ZNF560: variants seen among roughly 807,000 people sequenced by gnomAD.
ZNF560 encodes the protein zinc finger protein 560.
Under a neutral mutation model 81.8 loss-of-function variants are expected in ZNF560, and 54 were observed. That is an observed-to-expected ratio of 0.66 (90% CI 0.53 to 0.83). ZNF560 has a LOEUF of 0.83. Among genes scored for constraint, ZNF560 ranks in the 40% least tolerant of loss-of-function variants. The pLI, the probability that ZNF560 is intolerant of heterozygous loss-of-function variation, is 0.00. For synonymous variants in ZNF560, 321 were observed against 317.9 expected, an observed-to-expected ratio of 1.01 and a Z score of -0.10; for missense variants, 940 against 932.4, an observed-to-expected ratio of 1.01 and a Z score of -0.11.
downstream of ZNF560, among the ~76,000 whole-genome samples, chr19:9,466,271 G>C (rs1361522802): frequency 1.3e-5 from 2 of 149,674 alleles, no homozygotes; most frequent in Admixed American, 1.3e-4. Context: ...GCTTGAACTT[G>C]GGAGGCAGAG....
At chr19:9,502,643 G>A (rs1191370384), upstream of ZNF560, among the ~76,000 whole-genome samples, 1 of 152,128 alleles carries the variant, frequency 6.6e-6, no homozygotes, top group Non-Finnish European at 1.5e-5. Flanking sequence ...CTCTTTTCTT[G>A]TTATAGGTCT....
chr19:9,453,740 A>G, the ZNF560 span, among the ~76,000 whole-genome samples: 2 of 152,238 alleles, frequency 1.3e-5, no homozygotes, highest in African/African-American at 4.8e-5. Context: ...TGAAAATAAA[A>G]TCCCATAACA....
chr19:9,464,764 T>C (rs2072989086), downstream of ZNF560, among the ~76,000 whole-genome samples: 1 of 152,112 alleles, frequency 6.6e-6, no homozygotes, highest in African/African-American at 2.4e-5. Context: ...GTGGTGTTGC[T>C]ATAGGAGAAA....
intron 2 of ZNF560, among the ~76,000 whole-genome samples, chr19:9,495,553 C>A (rs10403388): frequency 0.15 from 22,866 of 151,746 alleles, 2,578 homozygotes; most frequent in African/African-American, 0.31. Context: ...AAAAAAATAC[C>A]AAAATTAGCC....
chr19:9,471,945 C>T (rs1177472358), intron 5 of ZNF560, among the ~76,000 whole-genome samples: 1 of 152,080 alleles, frequency 6.6e-6, no homozygotes, highest in Non-Finnish European at 1.5e-5. Flanking sequence ...ACCATCTCTA[C>T]TAAAAATACA....
At chr19:9,493,745 T>C (rs1440417766) in intron 2 of ZNF560, among the ~76,000 whole-genome samples, 2 of 152,220 alleles carry the variant, frequency 1.3e-5, no homozygotes, top group Admixed American at 6.5e-5. Flanking sequence ...CTCTTTTCTA[T>C]TTCTATTTTG....
intron 2 of ZNF560, among the ~76,000 whole-genome samples, chr19:9,486,458 G>A (rs566172585): frequency 3.5e-4 from 53 of 152,242 alleles, no homozygotes; most frequent in African/African-American, 1.3e-3. Flanking sequence ...TTTTCTTTTA[G>A]GCTGGGCACG....
At chr19:9,482,378 C>A (rs1028663767) in intron 2 of ZNF560, among the ~76,000 whole-genome samples, 1 of 144,388 alleles carries the variant, frequency 6.9e-6, no homozygotes, top group Admixed American at 7.2e-5. Flanking sequence ...ATATATGTAA[C>A]AAACCTGCAC....
chr19:9,504,753 A>G, the ZNF560 span, among the ~76,000 whole-genome samples: 2 of 152,082 alleles, frequency 1.3e-5, no homozygotes, highest in Non-Finnish European at 2.9e-5. Flanking sequence ...CATGTTTATG[A>G]TTGCTACATC....
At chr19:9,503,989 GC>G in the ZNF560 span, among the ~76,000 whole-genome samples, 1 of 152,138 alleles carries the variant, frequency 6.6e-6, no homozygotes, top group Non-Finnish European at 1.5e-5. Flanking sequence ...AAAAACAGGT[GC>G]CTTGTAATTT....
rs1442257277 is a variant in ZNF560, at chr19:9,467,475, T to A, written c.1472A>T (p.Asp491Val). ...SNTGQKRFDC[D>V]QCGKVFVSFS... Reference sequence around the variant, plus strand: ...AGAAACAAAGACTTTCCCACACTGGTCACAATCAAAGCGTTTCTGTCCTGT... The same window carrying A: ...AGAAACAAAGACTTTCCCACACTGGACACAATCAAAGCGTTTCTGTCCTGT... The change falls in exon 10 of 10, where the codon GAC (aspartate) becomes GTC (valine). Residue 491 changes from aspartate (D) to valine (V), a missense_variant. Transcript: ENST00000301480. The A allele has an allele frequency of 1.2e-6, 2 of 1,614,114 alleles. No individual in the cohort carries two copies. The highest frequency in any genetic ancestry group is 4.5e-5 in the East Asian group (2 of 44,878).
At chr19:9,485,853 T>G (rs2144716743) in intron 2 of ZNF560, among the ~76,000 whole-genome samples, 1 of 152,164 alleles carries the variant, frequency 6.6e-6, no homozygotes, top group South Asian at 2.1e-4. Context: ...ATTTGTAACC[T>G]CAAATAAGTT....
chr19:9,477,325 C>A (rs547043874), intron 2 of ZNF560, among the ~76,000 whole-genome samples: 5 of 152,058 alleles, frequency 3.3e-5, no homozygotes, highest in African/African-American at 1.2e-4. Context: ...ACTTAGGAAG[C>A]GGTGAACCAG....
At chr19:9,478,242 T>C (rs568191856) in intron 2 of ZNF560, among the ~76,000 whole-genome samples, 1 of 152,252 alleles carries the variant, frequency 6.6e-6, no homozygotes, top group South Asian at 2.1e-4. Context: ...GGATGACATA[T>C]ATAAACTGCT....
chr19:9,470,567 A>G, intron 6 of ZNF560, 49 bp from the exon 7 acceptor site: 1 of 1,613,648 alleles, frequency 6.2e-7, no homozygotes, highest in Non-Finnish European at 8.5e-7. Context: ...ATCTCCACCA[A>G]TGTTGGCTGA....
At chr19:9,484,665 G>A (rs116116602) in intron 2 of ZNF560, among the ~76,000 whole-genome samples, 15,070 of 149,794 alleles carry the variant, frequency 0.1, 909 homozygotes, top group South Asian at 0.19. Context: ...GCGTCACAGC[G>A]CGCGCTACTT....
chr19:9,501,443 C>G (rs1181077272), upstream of ZNF560, among the ~76,000 whole-genome samples: 2 of 151,134 alleles, frequency 1.3e-5, no homozygotes, highest in African/African-American at 4.9e-5. Context: ...ACCACAACCT[C>G]CGCCTCCCGG....
intron 2 of ZNF560, among the ~76,000 whole-genome samples, chr19:9,484,736 T>C (rs904845915): frequency 2.0e-5 from 3 of 148,908 alleles, no homozygotes; most frequent in African/African-American, 7.5e-5. Context: ...TGAGCTGAGA[T>C]CGCACCACTG....
chr19:9,483,106 G>A lies in ZNF560; in HGVS notation c.-56-7737C>T, dbSNP rs1158028354. The stretch of plus-strand genomic sequence containing the variant: ...CCACCCCGTCTGGGAAGTGAGGAGC[G>A]TCTCTGCCTGGCCACCCATCGTCTG... On this transcript the variant is annotated intron_variant, in intron 2 of 9. Transcript: ENST00000301480. Among the ~76,000 whole-genome samples, 11 of 150,750 alleles carry A rather than the reference G, an allele frequency of 7.3e-5. No individual in the cohort carries two copies. In the South Asian group the frequency reaches 8.5e-4, roughly 12 times the overall value.
Sources: allele counts gnomAD v4.1 joint callset (sites outside exome capture counted in the v4.1 genomes callset), GRCh38; gene constraint gnomAD v4.1.1; transcripts MANE v1.5; gene names NCBI Gene and HGNC (gene_info 2026-07-23, HGNC 2026-07-21).